STK10: variants seen among roughly 807,000 people sequenced by gnomAD.
STK10 encodes the protein serine/threonine-protein kinase 10.
In STK10, 78 loss-of-function variants were observed where a neutral mutation model predicts 113.8. The ratio of observed to expected loss-of-function variants is 0.69; its 90% CI spans 0.57 to 0.83. The LOEUF (loss-of-function observed/expected upper bound fraction) is 0.83, where lower values mean the gene tolerates loss of function less well. Among genes scored for constraint, STK10 ranks in the 40% least tolerant of loss-of-function variants. The pLI is 0.00. For missense variants in STK10, 1,109 were observed against 1,280.1 expected, an observed-to-expected ratio of 0.87 and a Z score of 2.04; for synonymous variants, 465 against 494.7, an observed-to-expected ratio of 0.94 and a Z score of 0.80.
chr5:172,156,392 G>A (rs946256417), intron 2 of STK10, among the ~76,000 whole-genome samples: 2 of 152,218 alleles, frequency 1.3e-5, no homozygotes, highest in South Asian at 2.1e-4. Context: ...GCTGGGATTC[G>A]AGGCCAGGCC....
rs148814699 is a variant in STK10, at chr5:172,153,616, C to T, written c.321+3008G>A. On this transcript the variant is annotated intron_variant, in intron 2 of 18. Transcript: ENST00000176763. ...ACTTGGGGAACAGCCAGTTTCTCAT[C>T]CCAAAGTCCCTGAGAGCAGACCCCA... 2.8e-3 allele frequency among the ~76,000 whole-genome samples: 419 copies of T among 152,318 alleles called. 3 individuals are homozygous for T. Among genetic ancestry groups the T allele is most frequent in the African/African-American group, 9.6e-3 (397 of 41,568 alleles).
At chr5:172,057,301 A>G in intron 15 of STK10, 48 bp downstream of exon 15, 1 of 1,561,122 alleles carries the variant, frequency 6.4e-7, no homozygotes, top group Non-Finnish European at 8.6e-7. Flanking sequence ...TGGCTCTCCC[A>G]GGTCGGCCCG....
At chr5:172,138,146 G>A (rs1278727076) in intron 2 of STK10, among the ~76,000 whole-genome samples, 1 of 152,064 alleles carries the variant, frequency 6.6e-6, no homozygotes, top group Admixed American at 6.6e-5. Flanking sequence ...TATTGAGATG[G>A]AGTCTCACTC....
At chr5:172,047,030 T>C (rs1020811338) in intron 18 of STK10, among the ~76,000 whole-genome samples, 5 of 152,214 alleles carry the variant, frequency 3.3e-5, no homozygotes, top group Non-Finnish European at 7.3e-5. Context: ...TTACTCGAAA[T>C]ACATCTGAAT....
chr5:172,101,842 G>C (rs1363855783), intron 7 of STK10, among the ~76,000 whole-genome samples: 1 of 152,160 alleles, frequency 6.6e-6, no homozygotes. Context: ...AGGCGGCATG[G>C]ACAGCCAGTG....
At chr5:172,106,838 A>T (rs757568903) in intron 5 of STK10, 24 bp from the exon 6 acceptor site, 1 of 1,601,672 alleles carries the variant, frequency 6.2e-7, no homozygotes, top group Admixed American at 1.7e-5. Flanking sequence ...GGGACAACAT[A>T]GGGCTAAGAA....
At chr5:172,084,536 G>C (rs1009768200) in intron 10 of STK10, among the ~76,000 whole-genome samples, 3 of 152,034 alleles carry the variant, frequency 2.0e-5, no homozygotes, top group African/African-American at 7.2e-5. Context: ...CAATGTCTCT[G>C]TACACACATA....
chr5:172,163,010 C>T (rs2113824680), intron 1 of STK10, among the ~76,000 whole-genome samples: 1 of 152,312 alleles, frequency 6.6e-6, no homozygotes, highest in South Asian at 2.1e-4. Context: ...ACCTGCCAGA[C>T]AGAGGTTAGT....
chr5:172,160,918 C>A (rs1770457356), intron 1 of STK10, among the ~76,000 whole-genome samples: 1 of 152,172 alleles, frequency 6.6e-6, no homozygotes. Context: ...GGTCTCCCTA[C>A]AATCTCCACC....
chr5:172,117,725 C>T (rs1340449811), intron 3 of STK10, 95 bp from the exon 4 acceptor site: 22 of 1,534,900 alleles, frequency 1.4e-5, no homozygotes, highest in Middle Eastern at 2.1e-4. Flanking sequence ...TAAAAGCCAC[C>T]AACATTAGGC....
At chr5:172,087,495 G>T (rs543404365) in intron 10 of STK10, among the ~76,000 whole-genome samples, 1 of 152,084 alleles carries the variant, frequency 6.6e-6, no homozygotes, top group East Asian at 1.9e-4. Flanking sequence ...GGCTTTTCTC[G>T]AACTCCTGAC....
chr5:172,152,468 C>A (rs567056231), intron 2 of STK10, among the ~76,000 whole-genome samples: 1 of 152,154 alleles, frequency 6.6e-6, no homozygotes, highest in Non-Finnish European at 1.5e-5. Context: ...AGGACATTCA[C>A]GAGGTCAGCC....
intron 2 of STK10, among the ~76,000 whole-genome samples, chr5:172,142,556 G>A (rs935931131): frequency 9.1e-4 from 139 of 152,248 alleles, no homozygotes; most frequent in African/African-American, 3.2e-3. Flanking sequence ...GTGCCGGGCC[G>A]TATGCTAAGT....
chr5:172,136,311 C>T (rs1204095257), intron 2 of STK10, among the ~76,000 whole-genome samples: 1 of 152,088 alleles, frequency 6.6e-6, no homozygotes, highest in East Asian at 1.9e-4. Context: ...AAAACCTCCA[C>T]ACAGGCTGGG....
At chr5:172,098,774 C>T (rs61003393) in intron 7 of STK10, among the ~76,000 whole-genome samples, 53,284 of 152,060 alleles carry the variant, frequency 0.35, 12,506 homozygotes, top group African/African-American at 0.68. Flanking sequence ...TCACTTAACC[C>T]TGAGTCTCAG....
chr5:172,105,946 C>T (rs779752699), intron 6 of STK10, among the ~76,000 whole-genome samples: 12 of 152,208 alleles, frequency 7.9e-5, no homozygotes, highest in African/African-American at 2.2e-4. Flanking sequence ...GGAGCAGGGA[C>T]GTGCCCAGGC....
At chr5:172,054,495 G>T (rs772545383) in intron 17 of STK10, 74 bp downstream of exon 17, 12 of 1,562,190 alleles carry the variant, frequency 7.7e-6, no homozygotes, top group Non-Finnish European at 1.0e-5. Context: ...GGAGTTTCTG[G>T]CCCCCTGAGA....
intron 12 of STK10, among the ~76,000 whole-genome samples, chr5:172,073,440 C>T (rs1285236096): frequency 6.6e-6 from 1 of 151,964 alleles, no homozygotes; most frequent in Non-Finnish European, 1.5e-5. Flanking sequence ...GTATGAGTCA[C>T]CGCACCCAAC....
At chr5:172,183,068 G>A (rs942038614) in intron 1 of STK10, among the ~76,000 whole-genome samples, 6 of 152,044 alleles carry the variant, frequency 3.9e-5, no homozygotes, top group Non-Finnish European at 7.4e-5. Flanking sequence ...TTAGCCAGGT[G>A]TGGTGGCGTG....
Sources: allele counts gnomAD v4.1 joint callset (sites outside exome capture counted in the v4.1 genomes callset), GRCh38; gene constraint gnomAD v4.1.1; transcripts MANE v1.5; gene names NCBI Gene and HGNC (gene_info 2026-07-23, HGNC 2026-07-21).